The following SYNE1 variants were observed in gnomAD, a reference collection of about 807,000 sequenced individuals.
SYNE1 encodes spectrin repeat containing nuclear envelope protein 1, also known as nesprin-1.
Under a neutral mutation model 1,111.0 loss-of-function variants are expected in SYNE1, and 616 were observed. The ratio of observed to expected loss-of-function variants is 0.55; its 90% CI spans 0.52 to 0.59. SYNE1 has a LOEUF of 0.59. Among genes scored for constraint, SYNE1 ranks in the 20% least tolerant of loss-of-function variants. SYNE1 has a pLI of 0.00. For synonymous variants in SYNE1, 3,855 were observed against 3,825.8 expected, an observed-to-expected ratio of 1.01 and a Z score of -0.28; for missense variants, 10,006 against 10,417.0, an observed-to-expected ratio of 0.96 and a Z score of 1.72.
rs1564640922 is a variant in SYNE1, at chr6:152,526,111, G to T, written c.194C>A (p.Ala65Asp). 6.2e-7 allele frequency: 1 copy of T among 1,614,096 alleles called. No individual in the cohort carries two copies. Among genetic ancestry groups the T allele is most frequent in the Non-Finnish European group, 8.5e-7 (1 of 1,179,988 alleles). Residue 65 changes from alanine to aspartate, a missense_variant, in exon 5 of 146, where the codon GCC (alanine) becomes GAC (aspartate). Physicochemically the swap from Ala to Asp is moderately radical, Grantham distance 126 (BLOSUM62 -2). Around this residue, in one of 7 missense-constraint regions of SYNE1, gnomAD observed 1,971 missense variants for 2,084.1 expected, o/e 0.95. Transcript: ENST00000367255. The part of the protein sequence containing the change: ...EDMKDGVKLL[A>D]LLEVLSGQKL... Reference sequence around the variant, plus strand: ...CTGCCCAGACAGGACCTCCAGAAGGGCAAGCAGTTTAACACCATCTTTCAT... The same window carrying T: ...CTGCCCAGACAGGACCTCCAGAAGGTCAAGCAGTTTAACACCATCTTTCAT...
intron 3 of SYNE1, among the ~76,000 whole-genome samples, chr6:152,626,009 A>G (rs1324201255): frequency 6.6e-6 from 1 of 152,218 alleles, no homozygotes; most frequent in Non-Finnish European, 1.5e-5. Context: ...CCACTGTCAC[A>G]GGCCTATTTG....
intron 3 of SYNE1, among the ~76,000 whole-genome samples, chr6:152,581,134 C>A (rs540273087): frequency 2.0e-5 from 3 of 152,222 alleles, no homozygotes; most frequent in Non-Finnish European, 4.4e-5. Context: ...CAAAGACCTG[C>A]TTCCCTGAGA....
intron 145 of SYNE1, chr6:152,125,274 C>G (rs2052975111): frequency 6.5e-7 from 1 of 1,550,314 alleles, no homozygotes; most frequent in Non-Finnish European, 8.7e-7. Context: ...AGGTATCTCA[C>G]ATGTAGAAGC....
intron 127 of SYNE1, among the ~76,000 whole-genome samples, chr6:152,192,156 G>T (rs1303633217): frequency 6.6e-6 from 1 of 152,140 alleles, no homozygotes; most frequent in African/African-American, 2.4e-5. Flanking sequence ...GACTTGTTTT[G>T]TGGCCTAACA....
At chr6:152,435,549 G>T in intron 33 of SYNE1, 1 of 213,444 alleles carries the variant, frequency 4.7e-6, no homozygotes, top group Non-Finnish European at 9.3e-6. Context: ...GTGTATTTAG[G>T]CCTGGAATCT....
intron 58 of SYNE1, among the ~76,000 whole-genome samples, chr6:152,374,070 T>G (rs2097236465): frequency 6.6e-6 from 1 of 152,198 alleles, no homozygotes; most frequent in Non-Finnish European, 1.5e-5. Context: ...ATGGAGCAGA[T>G]TACATTATTA....
intron 3 of SYNE1, among the ~76,000 whole-genome samples, chr6:152,624,519 G>A (rs1454289984): frequency 1.3e-5 from 2 of 152,116 alleles, no homozygotes; most frequent in African/African-American, 4.8e-5. Context: ...CTGTTAAATG[G>A]ATCCCCTTTA....
In SYNE1 at chr6:152,170,795, G is replaced by A. The variant is rs535427785; in HGVS notation, c.23627+5599C>T. On this transcript the variant is annotated intron_variant, in intron 130 of 145. Coordinates refer to ENST00000367255, the MANE Select transcript of SYNE1 (RefSeq NM_182961.4). ...CTATTGAACATATTCTATGCTTAGCGGTTGATATGGTTTAGCTGTGTCACT... is the reference window on the plus strand; with the variant it reads ...CTATTGAACATATTCTATGCTTAGCAGTTGATATGGTTTAGCTGTGTCACT... Among the ~76,000 whole-genome samples the A allele has an allele frequency of 2.0e-5, 3 of 152,274 alleles. No individual in the cohort carries two copies. The South Asian group carries it at 6.2e-4, about 32-fold the overall frequency.
At chr6:152,305,889 A>T (rs1006610374) in intron 91 of SYNE1, among the ~76,000 whole-genome samples, 2 of 152,218 alleles carry the variant, frequency 1.3e-5, no homozygotes, top group African/African-American at 4.8e-5. Context: ...TGTGGAAGAA[A>T]ATGTGACAAA....
At chr6:152,451,320 T>A in intron 25 of SYNE1, 115 bp from the exon 26 acceptor site, 1 of 1,015,854 alleles carries the variant, frequency 9.8e-7, no homozygotes, top group Non-Finnish European at 1.5e-6. Flanking sequence ...TTAGGGCCAG[T>A]GTGAATGGGT....
chr6:152,583,837 C>A (rs941964638), intron 3 of SYNE1, among the ~76,000 whole-genome samples: 1 of 152,104 alleles, frequency 6.6e-6, no homozygotes, highest in Admixed American at 6.5e-5. Flanking sequence ...GGTGGGCCTG[C>A]GGCAGAGAGT....
intron 128 of SYNE1, among the ~76,000 whole-genome samples, chr6:152,188,528 A>C (rs2070929367): frequency 1.3e-5 from 2 of 152,224 alleles, no homozygotes; most frequent in African/African-American, 4.8e-5. Flanking sequence ...AAAAGTGATA[A>C]TAAATATTCC....
At chr6:152,139,187 A>G (rs763414743) in intron 140 of SYNE1, among the ~76,000 whole-genome samples, 4 of 152,150 alleles carry the variant, frequency 2.6e-5, no homozygotes, top group African/African-American at 4.8e-5. Flanking sequence ...TTTTAATTGG[A>G]CATTTCTTAA....
intron 135 of SYNE1, among the ~76,000 whole-genome samples, chr6:152,149,974 G>A (rs768833041): frequency 9.2e-5 from 14 of 152,180 alleles, no homozygotes; most frequent in Middle Eastern, 3.2e-3. Flanking sequence ...CAAACCCACC[G>A]TAAGTTGACA....
intron 104 of SYNE1, among the ~76,000 whole-genome samples, chr6:152,253,747 G>GCAGTGGTA (rs960817091): frequency 6.8e-6 from 1 of 146,818 alleles, no homozygotes; most frequent in Non-Finnish European, 1.5e-5. Context: ...CTACCAGAAG[G>GCAGTGGTA]CAGTGGTAAT....
chr6:152,489,276 C>G (rs558167192), intron 11 of SYNE1, among the ~76,000 whole-genome samples: 1 of 152,100 alleles, frequency 6.6e-6, no homozygotes, highest in African/African-American at 2.4e-5. Flanking sequence ...GATTTTTCGG[C>G]ATTTACAAAA....
chr6:152,241,294 G>C (rs1369476130), intron 107 of SYNE1, among the ~76,000 whole-genome samples: 1 of 151,624 alleles, frequency 6.6e-6, no homozygotes, highest in African/African-American at 2.4e-5. Context: ...AAAACGTCTG[G>C]GAAAAAATAG....
intron 26 of SYNE1, 53 bp downstream of exon 26, chr6:152,450,994 A>T: frequency 6.2e-7 from 1 of 1,612,692 alleles, no homozygotes; most frequent in South Asian, 1.1e-5. Context: ...AATATCCTTT[A>T]TGGAACAATG....
intron 3 of SYNE1, among the ~76,000 whole-genome samples, chr6:152,609,333 T>A (rs558475273): frequency 6.6e-6 from 1 of 152,242 alleles, no homozygotes; most frequent in African/African-American, 2.4e-5. Context: ...TGAGGCTGGC[T>A]CAGCAGGTCC....
Sources: allele counts gnomAD v4.1 joint callset (sites outside exome capture counted in the v4.1 genomes callset), GRCh38; gene constraint gnomAD v4.1.1; regional missense constraint gnomAD v4.1.1; transcripts MANE v1.5; gene names NCBI Gene and HGNC (gene_info 2026-07-23, HGNC 2026-07-21).